KPTN: variants seen among roughly 807,000 people sequenced by gnomAD.
KPTN encodes KICSTOR complex protein kaptin.
Under a neutral mutation model 52.6 loss-of-function variants are expected in KPTN, and 36 were observed. That is an observed-to-expected ratio of 0.68 (90% CI 0.52 to 0.90). KPTN has a LOEUF of 0.90. Ranked by LOEUF, KPTN falls within the 40% of genes least tolerant of loss-of-function variation. The pLI is 0.00. For synonymous variants in KPTN, 271 were observed against 248.4 expected (o/e 1.09, Z -0.85); for missense variants, 529 against 576.2 (o/e 0.92, Z 0.84).
chr19:47,484,428 G>A, upstream of KPTN: 1 of 537,882 alleles, frequency 1.9e-6, no homozygotes, highest in East Asian at 3.1e-5. Context: ...ACTAGAGATG[G>A]GAGGTGGTGG....
intron 8 of KPTN, among the ~76,000 whole-genome samples, chr19:47,479,130 C>T (rs1331042163): frequency 6.6e-6 from 1 of 152,346 alleles, no homozygotes; most frequent in South Asian, 2.1e-4. Flanking sequence ...GCCACTTCCA[C>T]ATCCTGGGTT....
In KPTN at chr19:47,480,989, C is replaced by A; in HGVS notation, c.494G>T (p.Gly165Val). The A allele has an allele frequency of 6.3e-7, 1 of 1,598,510 alleles. No individual in the cohort carries two copies. ...DQLETVFLLS[G>V]NDPAIHLYKE... ...GTAGAGATGAATGGCCGGGTCGTTCCCACTCAAGAGAAACACAGTCTCAAG... is the reference window on the plus strand; with the variant it reads ...GTAGAGATGAATGGCCGGGTCGTTCACACTCAAGAGAAACACAGTCTCAAG... Residue 165 changes from glycine (G) to valine (V), a missense_variant, in exon 5 of 12, where the codon GGG (glycine) becomes GTG (valine). Gly to Val is a moderately radical substitution (Grantham distance 109). Coordinates refer to ENST00000338134, the MANE Select transcript of KPTN (RefSeq NM_007059.4).
intron 8 of KPTN, among the ~76,000 whole-genome samples, chr19:47,478,673 T>C (rs919289827): frequency 1.4e-5 from 2 of 145,432 alleles, no homozygotes; most frequent in African/African-American, 5.1e-5. Context: ...GACTAATGAG[T>C]GGAGAAAGAA....
chr19:47,477,144 C>T (rs575718218), intron 9 of KPTN, among the ~76,000 whole-genome samples: 7 of 152,304 alleles, frequency 4.6e-5, no homozygotes, highest in South Asian at 2.1e-4. Context: ...CCCTTCATCT[C>T]GGAGACCATC....
In KPTN at chr19:47,475,322, G is replaced by A; in HGVS notation, c.*94C>T. The A allele has an allele frequency of 6.8e-7, 1 of 1,466,486 alleles. No individual in the cohort carries two copies. Among genetic ancestry groups the A allele is most frequent in the Non-Finnish European group, 9.2e-7 (1 of 1,087,312 alleles). 90.8% of individuals were successfully genotyped at this position (1,466,486 alleles called of 1,614,324 possible). A position where few individuals can be genotyped will look rare whatever the true frequency, so the allele number is the denominator to read the frequency against. On this transcript the variant is annotated 3_prime_UTR_variant, in exon 12 of 12. Transcript: ENST00000338134. ...TCACCACCCTGGGGAGGTCTGGGGA[G>A]AGCATCCTGTCCTTCAGGACACCCC...
At chr19:47,475,579 G>C (rs1470560728) in intron 11 of KPTN, 35 bp from the exon 12 acceptor site, 1 of 1,606,656 alleles carries the variant, frequency 6.2e-7, no homozygotes, top group East Asian at 2.3e-5. Flanking sequence ...GGATGGAGCT[G>C]AGGAAGAGCT....
rs369100517 is a variant in KPTN, at chr19:47,484,145, C to T, written c.16G>A (p.Ala6Thr). The T allele has an allele frequency of 2.5e-6, 4 of 1,597,474 alleles. No homozygotes were observed. The highest frequency in any genetic ancestry group is 3.4e-6 in the Non-Finnish European group (4 of 1,178,524). The change falls in exon 1 of 12, where the codon GCC becomes ACC. Residue 6 changes from alanine to threonine, a missense_variant. Physicochemically the swap from Ala to Thr is moderately conservative, Grantham distance 58. Transcript: ENST00000338134. ...AACGGACAAGGCCCCGCGGCCACGG[C>T]CGCCTCCCCCATCATGCCCCTCAGT... MMGEA[A>T]VAAGPCPLRE... is the part of the protein sequence containing the mutation.
chr19:47,475,761 AC>A (rs898390224), intron 11 of KPTN, among the ~76,000 whole-genome samples: 15 of 152,026 alleles, frequency 9.9e-5, no homozygotes, highest in African/African-American at 3.6e-4. Context: ...CAAAGCCTAG[AC>A]CCAAATGTAA....
chr19:47,479,831 T>G (rs1374469024), intron 8 of KPTN, 32 bp downstream of exon 8: 3 of 1,563,388 alleles, frequency 1.9e-6, no homozygotes, highest in Admixed American at 1.7e-5. Flanking sequence ...TCCCACCCGC[T>G]CTCTCCCCAT....
chr19:47,480,322 C>A lies in KPTN; in HGVS notation c.685G>T (p.Ala229Ser). Residue 229 changes from alanine (A) to serine (S), a missense_variant, in exon 7 of 12, where the codon GCC becomes TCC. Transcript: ENST00000338134. ...CCTCGACTCCGCTGGTCCACGTGGG[C>A]GACACGGACATAACCACTCTGACAG... Reference protein sequence around the residue: ...LGCQSGYVRVAHVDQRSREVL... With the variant: ...LGCQSGYVRVSHVDQRSREVL... The A allele has an allele frequency of 1.3e-6, 2 of 1,535,934 alleles. No homozygotes were observed. The highest frequency in any genetic ancestry group is 1.8e-6 in the Non-Finnish European group (2 of 1,138,974).
At chr19:47,479,990 C>G in intron 7 of KPTN, 50 bp from the exon 8 acceptor site, 3 of 1,481,354 alleles carry the variant, frequency 2.0e-6, no homozygotes, top group Non-Finnish European at 2.8e-6. Context: ...CGGTCCCGCC[C>G]GCAGCCCTGA....
At chr19:47,475,856 G>A (rs1967645719) in intron 11 of KPTN, among the ~76,000 whole-genome samples, 1 of 152,066 alleles carries the variant, frequency 6.6e-6, no homozygotes, top group Non-Finnish European at 1.5e-5. Context: ...AGCTACTAGG[G>A]AGGCTGAGGC....
chr19:47,480,231 G>C, intron 7 of KPTN, 67 bp downstream of exon 7: 1 of 694,466 alleles, frequency 1.4e-6, no homozygotes, highest in Non-Finnish European at 2.2e-6. Flanking sequence ...CCAGCCCTCA[G>C]CCCCACCCTG....
chr19:47,482,070 C>T (rs966135234), intron 4 of KPTN, among the ~76,000 whole-genome samples: 1 of 152,230 alleles, frequency 6.6e-6, no homozygotes, highest in African/African-American at 2.4e-5. Context: ...ACATTAGAAT[C>T]TGGGAATTCT....
upstream of KPTN, chr19:47,484,247 G>C: frequency 1.4e-6 from 2 of 1,431,850 alleles, no homozygotes; most frequent in Non-Finnish European, 1.8e-6. Context: ...GAACCGCCGG[G>C]TGCCCGGCCG....
chr19:47,477,070 ACAT>A, intron 9 of KPTN, 132 bp from the exon 10 acceptor site: 6 of 900,858 alleles, frequency 6.7e-6, no homozygotes, highest in Non-Finnish European at 6.7e-6. Context: ...GGAAGCCTAG[ACAT>A]CATCATCTCA....
chr19:47,485,299 C>A (rs2122709435), upstream of KPTN, among the ~76,000 whole-genome samples: 1 of 152,226 alleles, frequency 6.6e-6, no homozygotes, highest in African/African-American at 2.4e-5. Context: ...GTTTATTATC[C>A]CAGTTTAGAG....
upstream of KPTN, chr19:47,484,340 G>A (rs114348906): frequency 1.0e-3 from 753 of 739,276 alleles, 6 homozygotes; most frequent in African/African-American, 0.013. Flanking sequence ...GGGCCTCCCA[G>A]GCGACTTTGC....
chr19:47,477,572 T>C lies in KPTN; in HGVS notation c.863+134A>G, dbSNP rs1361824220. On this transcript the variant is annotated intron_variant, in intron 9 of 11. Coordinates refer to ENST00000338134, the MANE Select transcript of KPTN (RefSeq NM_007059.4). ...CTTCAATATTCACAGCCCCCACCCC[T>C]GGGTCACGAGTATCTGTACTTGTCC... 2.7e-5 allele frequency: 14 copies of C among 514,282 alleles called. No individual in the cohort carries two copies. The African/African-American group carries it at 2.8e-4, about 10-fold the overall frequency. 31.9% of individuals were successfully genotyped at this position (514,282 alleles called of 1,614,324 possible). A position where few individuals can be genotyped will look rare whatever the true frequency, so the allele number is the denominator to read the frequency against.
Sources: gnomAD v4.1 joint callset for allele counts (sites outside exome capture counted in the v4.1 genomes callset) on GRCh38, gnomAD v4.1.1 for gene constraint, MANE v1.5 for transcripts, NCBI Gene and HGNC (gene_info 2026-07-23, HGNC 2026-07-21) for gene names.